Variants in PTPRN2 observed in about 807,000 individuals in gnomAD.
The protein encoded by PTPRN2 is receptor-type tyrosine-protein phosphatase N2.
PTPRN2 carries 74 observed loss-of-function variants against 118.8 expected under a neutral mutation model. That is an observed-to-expected ratio of 0.62 (90% CI 0.52 to 0.76). PTPRN2 has a LOEUF of 0.76. Ranked by LOEUF, PTPRN2 falls within the 30% of genes least tolerant of loss-of-function variation. The pLI is 0.00. For missense variants in PTPRN2, 1,481 were observed against 1,394.4 expected, an observed-to-expected ratio of 1.06 and a Z score of -0.99; for synonymous variants, 641 against 608.0, an observed-to-expected ratio of 1.05 and a Z score of -0.80.
At chr7:157,843,676 C>A (rs1364845063) in intron 12 of PTPRN2, among the ~76,000 whole-genome samples, 1 of 152,226 alleles carries the variant, frequency 6.6e-6, no homozygotes, top group Non-Finnish European at 1.5e-5. Flanking sequence ...TTTGGGAACA[C>A]ACATTAACCT....
At chr7:157,594,453 C>T (rs1325629334) in intron 17 of PTPRN2, among the ~76,000 whole-genome samples, 3 of 152,214 alleles carry the variant, frequency 2.0e-5, no homozygotes, top group Non-Finnish European at 4.4e-5. Context: ...CTGATCCCAG[C>T]GTCACTGCTG....
chr7:157,947,777 A>G (rs1258308155), intron 11 of PTPRN2, among the ~76,000 whole-genome samples: 1 of 152,218 alleles, frequency 6.6e-6, no homozygotes, highest in East Asian at 1.9e-4. Context: ...AAACCATCAA[A>G]AGCCAAAGAC....
chr7:158,046,785 G>A (rs952028155), intron 11 of PTPRN2, among the ~76,000 whole-genome samples: 2 of 152,150 alleles, frequency 1.3e-5, no homozygotes, highest in Admixed American at 6.5e-5. Flanking sequence ...TGACATTTTG[G>A]AGACGGCAGG....
At chr7:158,418,867 TCTCA>T (rs1383834648) in intron 2 of PTPRN2, among the ~76,000 whole-genome samples, 13 of 152,346 alleles carry the variant, frequency 8.5e-5, no homozygotes, top group Admixed American at 5.9e-4. Context: ...ATGCTGTAGC[TCTCA>T]CTGTCCCACT....
In PTPRN2 at chr7:157,621,489, C is replaced by T. The variant is rs1395022890; in HGVS notation, c.2217G>A (p.Leu739=). 6.2e-7 allele frequency: 1 copy of T among 1,613,482 alleles called. No individual in the cohort carries two copies. The highest frequency in any genetic ancestry group is 1.7e-5 in the Admixed American group (1 of 60,008). ...CCTTCTCCAGCCGGTTCTTGTTCTT[C>T]AGGTGGTCCTCCATGTAGGACTGAA... is the stretch of plus-strand genomic sequence containing the variant. ...HMILSYMEDH[L]KNKNRLEKEW... The change falls in exon 15 of 23, where the codon CTG becomes CTA. Residue 739 remains leucine, a synonymous_variant. Coordinates refer to ENST00000389418, the MANE Select transcript of PTPRN2 (RefSeq NM_002847.5).
intron 11 of PTPRN2, among the ~76,000 whole-genome samples, chr7:157,908,232 A>G (rs1467294032): frequency 6.6e-6 from 1 of 152,124 alleles, no homozygotes; most frequent in African/African-American, 2.4e-5. Context: ...GAGGGGCTGC[A>G]CAGGCCGAGC....
At chr7:157,548,921 G>C (rs764162440) in intron 22 of PTPRN2, 25 bp downstream of exon 22, 1 of 1,609,004 alleles carries the variant, frequency 6.2e-7, no homozygotes, top group East Asian at 2.2e-5. Flanking sequence ...ATGGGTCTGC[G>C]TCCCGGAGGA....
intron 2 of PTPRN2, among the ~76,000 whole-genome samples, chr7:158,407,416 G>GC (rs1813640066): frequency 1.3e-5 from 1 of 76,432 alleles, no homozygotes; most frequent in Non-Finnish European, 2.5e-5. Context: ...CCTGGGTCCT[G>GC]GGTCCTGGGT....
chr7:157,738,018 G>A (rs911034214), intron 12 of PTPRN2, among the ~76,000 whole-genome samples: 6 of 152,208 alleles, frequency 3.9e-5, no homozygotes, highest in African/African-American at 7.2e-5. Flanking sequence ...ATCTCCTGGT[G>A]CCCCAAAGGG....
At chr7:158,532,613 A>T (rs1745815946) in intron 1 of PTPRN2, 1 of 422,246 alleles carries the variant, frequency 2.4e-6, no homozygotes. Context: ...AAAGTAAGAA[A>T]AGACCAAAAA....
intron 3 of PTPRN2, among the ~76,000 whole-genome samples, chr7:158,304,918 C>T (rs1801171593): frequency 6.6e-6 from 1 of 152,230 alleles, no homozygotes; most frequent in Non-Finnish European, 1.5e-5. Flanking sequence ...GTAGACATTT[C>T]CCAGGAGAGA....
chr7:158,030,551 G>C (rs977025282), intron 11 of PTPRN2: 2 of 152,276 alleles, frequency 1.3e-5, no homozygotes, highest in African/African-American at 4.8e-5. Flanking sequence ...TCCAGGGACT[G>C]GTGTCCCTAA....
chr7:158,132,020 C>CTA (rs55704328), intron 9 of PTPRN2, among the ~76,000 whole-genome samples: 100,221 of 150,300 alleles, frequency 0.67, 34,207 homozygotes, highest in African/African-American at 0.82. Context: ...AGATACACAT[C>CTA]TATGACATAT....
intron 4 of PTPRN2, among the ~76,000 whole-genome samples, chr7:158,198,141 A>G (rs1201085899): frequency 6.6e-6 from 1 of 152,284 alleles, no homozygotes; most frequent in East Asian, 1.9e-4. Context: ...TTGCTAATCA[A>G]TGCAAATGGA....
intron 1 of PTPRN2, among the ~76,000 whole-genome samples, chr7:158,519,615 G>T (rs1222269303): frequency 6.6e-6 from 1 of 152,064 alleles, no homozygotes; most frequent in Non-Finnish European, 1.5e-5. Context: ...ATGTTGATCT[G>T]GGTGACTCTG....
chr7:157,790,209 G>A (rs527874935), intron 12 of PTPRN2, among the ~76,000 whole-genome samples: 56 of 138,878 alleles, frequency 4.0e-4, no homozygotes, highest in Non-Finnish European at 6.4e-4. Context: ...TGCGTGGGGT[G>A]GTGACGTGTG....
At chr7:157,751,228 T>TG (rs1801445542) in intron 12 of PTPRN2, among the ~76,000 whole-genome samples, 1 of 151,978 alleles carries the variant, frequency 6.6e-6, no homozygotes, top group Non-Finnish European at 1.5e-5. Flanking sequence ...AGCTCGTGGA[T>TG]GGGGGGCACA....
At chr7:158,025,640 G>T (rs1236628590) in intron 11 of PTPRN2, among the ~76,000 whole-genome samples, 1 of 152,226 alleles carries the variant, frequency 6.6e-6, no homozygotes, top group Non-Finnish European at 1.5e-5. Context: ...TGGTGTATTT[G>T]TATTTCCCTG....
intron 2 of PTPRN2, among the ~76,000 whole-genome samples, chr7:158,344,649 C>T (rs1486920242): frequency 6.6e-6 from 1 of 152,100 alleles, no homozygotes; most frequent in Non-Finnish European, 1.5e-5. Context: ...CCACACGTAA[C>T]CCACCAAGAA....
Sources: gnomAD v4.1 joint callset for allele counts (sites outside exome capture counted in the v4.1 genomes callset) on GRCh38, gnomAD v4.1.1 for gene constraint, MANE v1.5 for transcripts, NCBI Gene and HGNC (gene_info 2026-07-23, HGNC 2026-07-21) for gene names.